Variants in SHC3 observed in about 807,000 individuals in gnomAD.
SHC3 encodes the protein SHC adaptor protein 3.
In SHC3, 15 loss-of-function variants were observed where a neutral mutation model predicts 60.4. The observed-to-expected ratio is 0.25, with a 90% CI of 0.17 to 0.38. The LOEUF is 0.38. Among genes scored for constraint, SHC3 ranks in the 10% least tolerant of loss-of-function variants. The probability of loss-of-function intolerance (pLI) is 1.00; values close to 1 mark genes in which losing one functional copy is unlikely to be tolerated. For missense variants in SHC3, 677 were observed against 786.1 expected (o/e 0.86, Z 1.66); for synonymous variants, 294 against 325.9 (o/e 0.90, Z 1.05).
chr9:89,126,639 C>T (rs1826169332), intron 1 of SHC3, among the ~76,000 whole-genome samples: 1 of 152,118 alleles, frequency 6.6e-6, no homozygotes, highest in African/African-American at 2.4e-5. Flanking sequence ...TCCCTGGGGT[C>T]CTCACTTTCC....
chr9:89,096,392 T>C (rs1825701592), intron 2 of SHC3, among the ~76,000 whole-genome samples: 1 of 152,164 alleles, frequency 6.6e-6, no homozygotes, highest in African/African-American at 2.4e-5. Context: ...ACAAGCTAAT[T>C]TCCATGAACA....
At chr9:89,026,545 C>G (rs1826306736) in intron 11 of SHC3, among the ~76,000 whole-genome samples, 3 of 152,316 alleles carry the variant, frequency 2.0e-5, no homozygotes, top group Middle Eastern at 3.4e-3. Context: ...GGATTAATAT[C>G]TTATGTATAA....
rs1825985984 is a variant in SHC3 at position 89,009,421 on chromosome 9, C to T, written c.*4026G>A. 1 of 152,248 alleles carries T rather than the reference C, an allele frequency of 6.6e-6. No homozygotes were observed. Among genetic ancestry groups the T allele is most frequent in the Admixed American group, 6.5e-5 (1 of 15,286 alleles). The allele number at this position is 152,248 out of a possible 1,614,324, so 9.4% of individuals were successfully genotyped here. On this transcript the variant is annotated 3_prime_UTR_variant, in exon 12 of 12. Coordinates refer to ENST00000375835, the MANE Select transcript of SHC3 (RefSeq NM_016848.6). ...TCCCACTCACTCCCAATCCTACTGT[C>T]ACCGTCCACAGAAAGGGATTTATGG...
At chr9:89,055,071 T>C (rs991403287) in intron 6 of SHC3, among the ~76,000 whole-genome samples, 7 of 152,260 alleles carry the variant, frequency 4.6e-5, no homozygotes, top group Non-Finnish European at 8.8e-5. Context: ...GAATGTATTG[T>C]GGCTCTGTAG....
rs1217639971 is a variant in SHC3, at chr9:89,011,275, G to A, written c.*2172C>T. 6.6e-6 allele frequency: 1 copy of A among 152,076 alleles called. No individual in the cohort carries two copies. Among genetic ancestry groups the A allele is most frequent in the East Asian group, 1.9e-4 (1 of 5,186 alleles). 9.4% of individuals were successfully genotyped at this position (152,076 alleles called of 1,614,324 possible). A position where few individuals can be genotyped will look rare whatever the true frequency, so the allele number is the denominator to read the frequency against. On this transcript the variant is annotated 3_prime_UTR_variant, in exon 12 of 12. Coordinates refer to ENST00000375835, the MANE Select transcript of SHC3 (RefSeq NM_016848.6). ...GAACTAGACACTGACTTCACAGCAA[G>A]AGCTACTAAAGCTGCAGGTTACCAT...
chr9:89,078,080 G>T (rs1825388781), intron 2 of SHC3, among the ~76,000 whole-genome samples, 177 bp from the exon 3 acceptor site: 1 of 151,890 alleles, frequency 6.6e-6, no homozygotes, highest in African/African-American at 2.4e-5. Flanking sequence ...TAAACAAAAC[G>T]CAAACAGGTC....
intron 1 of SHC3, among the ~76,000 whole-genome samples, chr9:89,116,407 T>C (rs1826019666): frequency 6.6e-6 from 1 of 151,976 alleles, no homozygotes; most frequent in South Asian, 2.1e-4. Context: ...ACCACCACTA[T>C]CACAGAGTTA....
intron 1 of SHC3, among the ~76,000 whole-genome samples, chr9:89,132,214 A>G (rs1028639504): frequency 3.3e-5 from 5 of 152,182 alleles, no homozygotes; most frequent in African/African-American, 1.2e-4. Context: ...TATGTGAAGG[A>G]CCTCTTCAAG....
intron 7 of SHC3, 64 bp downstream of exon 7, chr9:89,051,973 T>C: frequency 6.3e-7 from 1 of 1,594,512 alleles, no homozygotes; most frequent in Non-Finnish European, 8.6e-7. Context: ...AGGGATGTGG[T>C]TTTAAGAGGA....
At chr9:89,099,600 T>A (rs192628738) in intron 2 of SHC3, among the ~76,000 whole-genome samples, 10 of 152,304 alleles carry the variant, frequency 6.6e-5, no homozygotes, top group Admixed American at 3.9e-4. Context: ...GTGAGGACTG[T>A]CATTCCCTGA....
At chr9:89,119,019 A>G (rs1225958063) in intron 1 of SHC3, among the ~76,000 whole-genome samples, 1 of 152,200 alleles carries the variant, frequency 6.6e-6, no homozygotes, top group East Asian at 1.9e-4. Context: ...GGAGATCTAA[A>G]CATGGAAGGT....
intron 5 of SHC3, among the ~76,000 whole-genome samples, chr9:89,070,893 G>C (rs1564118876): frequency 6.6e-6 from 1 of 152,236 alleles, no homozygotes; most frequent in African/African-American, 2.4e-5. Flanking sequence ...GTGACAGCGT[G>C]AGAAGCCTGT....
At chr9:89,027,171 T>G (rs1239071777) in intron 11 of SHC3, among the ~76,000 whole-genome samples, 1 of 152,232 alleles carries the variant, frequency 6.6e-6, no homozygotes, top group East Asian at 1.9e-4. Context: ...CGCATTGTCC[T>G]GGTCATTTGT....
intron 2 of SHC3, among the ~76,000 whole-genome samples, chr9:89,080,218 G>A (rs938737016): frequency 1.3e-5 from 2 of 152,094 alleles, no homozygotes; most frequent in Non-Finnish European, 2.9e-5. Context: ...ATCCCCATTT[G>A]AGTCTCAGGT....
chr9:89,112,949 T>C (rs1418233794), intron 1 of SHC3, among the ~76,000 whole-genome samples: 4 of 152,194 alleles, frequency 2.6e-5, no homozygotes, highest in African/African-American at 9.7e-5. Flanking sequence ...AAATGTTTAA[T>C]TCAATGATTG....
intron 6 of SHC3, among the ~76,000 whole-genome samples, chr9:89,052,800 T>G (rs1824882595): frequency 6.6e-6 from 1 of 152,248 alleles, no homozygotes; most frequent in Non-Finnish European, 1.5e-5. Context: ...TGGTTATTCA[T>G]GCAGATTCTC....
chr9:89,100,698 T>G (rs1370112712), intron 2 of SHC3, among the ~76,000 whole-genome samples: 1 of 152,248 alleles, frequency 6.6e-6, no homozygotes, highest in Non-Finnish European at 1.5e-5. Context: ...TCTATAGTTT[T>G]ACCTTTTCTA....
At chr9:89,018,325 G>T (rs1040699836) in intron 11 of SHC3, among the ~76,000 whole-genome samples, 3 of 152,056 alleles carry the variant, frequency 2.0e-5, no homozygotes, top group Non-Finnish European at 4.4e-5. Flanking sequence ...AAAAGGATGA[G>T]TTCATGTCCT....
intron 1 of SHC3, among the ~76,000 whole-genome samples, chr9:89,145,378 G>C (rs1055533745): frequency 6.6e-6 from 1 of 152,222 alleles, no homozygotes; most frequent in South Asian, 2.1e-4. Flanking sequence ...AGGGGAAAAT[G>C]ATTACAATGA....
Sources: allele counts gnomAD v4.1 joint callset (sites outside exome capture counted in the v4.1 genomes callset), GRCh38; gene constraint gnomAD v4.1.1; transcripts MANE v1.5; gene names NCBI Gene and HGNC (gene_info 2026-07-23, HGNC 2026-07-21).